The following TBC1D1 variants were observed in gnomAD, a reference collection of about 807,000 sequenced individuals.
TBC1D1 encodes TBC1 (tre-2/USP6, BUB2, cdc16) domain family, member 1.
In TBC1D1, 89 loss-of-function variants were observed where a neutral mutation model predicts 125.6. That is an observed-to-expected ratio of 0.71 (90% confidence interval 0.60 to 0.85). TBC1D1 has a LOEUF of 0.85. Among genes scored for constraint, TBC1D1 ranks in the 40% least tolerant of loss-of-function variants. The probability of loss-of-function intolerance (pLI) is 0.00; values close to 1 mark genes in which losing one functional copy is unlikely to be tolerated. For missense variants in TBC1D1, 1,377 were observed against 1,469.2 expected (o/e 0.94, Z 1.03); for synonymous variants, 565 against 564.1 (o/e 1.00, Z -0.02).
intron 12 of TBC1D1, among the ~76,000 whole-genome samples, chr4:38,076,424 T>C (rs1199333089): frequency 6.6e-6 from 1 of 151,958 alleles, no homozygotes; most frequent in Non-Finnish European, 1.5e-5. Flanking sequence ...CAAGTGCGCA[T>C]GTCTGGCCCT....
intron 2 of TBC1D1, among the ~76,000 whole-genome samples, chr4:37,913,608 AAT>A (rs138412749): frequency 8.0e-5 from 12 of 149,420 alleles, no homozygotes; most frequent in African/African-American, 2.0e-4. Context: ...TCAAAAAATA[AAT>A]ATATATATAT....
chr4:38,051,564 A>G (rs985423694), intron 11 of TBC1D1, among the ~76,000 whole-genome samples: 2 of 152,126 alleles, frequency 1.3e-5, no homozygotes, highest in Admixed American at 6.5e-5. Flanking sequence ...CTTGAGGCCA[A>G]GAGTTCAAGG....
intron 14 of TBC1D1, among the ~76,000 whole-genome samples, chr4:38,096,567 T>C (rs990380573): frequency 2.0e-5 from 3 of 152,144 alleles, no homozygotes; most frequent in African/African-American, 7.2e-5. Context: ...GTGTAAGATG[T>C]GGGTGCTGAC....
At chr4:37,994,438 C>T (rs1737312145) in intron 2 of TBC1D1, among the ~76,000 whole-genome samples, 1 of 152,020 alleles carries the variant, frequency 6.6e-6, no homozygotes, top group Non-Finnish European at 1.5e-5. Context: ...TATAGGTGTG[C>T]ACCACTGTGT....
chr4:38,012,951 G>A lies in TBC1D1; in HGVS notation c.418-1558G>A, dbSNP rs549658945. ...TGGGATTACAGGCACCTGCCACCAC[G>A]CCCAGCTAATTTTTTGTATTTTTAG... On this transcript the variant is annotated intron_variant, in intron 2 of 19. Coordinates refer to ENST00000261439, the MANE Select transcript of TBC1D1 (RefSeq NM_015173.4). 4.7e-4 allele frequency among the ~76,000 whole-genome samples: 71 copies of A among 152,102 alleles called. 1 individual carries two copies. Among genetic ancestry groups the A allele is most frequent in the South Asian group, 1.0e-3 (5 of 4,814 alleles).
intron 1 of TBC1D1, among the ~76,000 whole-genome samples, chr4:37,894,890 G>A (rs1417364895): frequency 1.3e-5 from 2 of 152,190 alleles, no homozygotes; most frequent in Admixed American, 6.6e-5. Context: ...GAAGTTTGTA[G>A]ATAAGACAGA....
intron 1 of TBC1D1, among the ~76,000 whole-genome samples, chr4:37,901,451 C>T (rs542551493): frequency 6.6e-6 from 1 of 152,296 alleles, no homozygotes; most frequent in Non-Finnish European, 1.5e-5. Flanking sequence ...GCCACTGCAC[C>T]TGGCCTAACA....
intron 18 of TBC1D1, among the ~76,000 whole-genome samples, chr4:38,127,663 C>G (rs930353083): frequency 8.5e-5 from 13 of 152,146 alleles, no homozygotes; most frequent in African/African-American, 2.9e-4. Flanking sequence ...GGATTACATG[C>G]ATGAGCCACT....
intron 7 of TBC1D1, among the ~76,000 whole-genome samples, chr4:38,028,239 C>T (rs1357725737): frequency 3.3e-5 from 5 of 152,166 alleles, no homozygotes; most frequent in Admixed American, 3.3e-4. Context: ...GATCTGGGCT[C>T]CCTGCAGTCT....
At chr4:38,026,997 T>TG (rs1333226129) in intron 6 of TBC1D1, among the ~76,000 whole-genome samples, 1 of 152,214 alleles carries the variant, frequency 6.6e-6, no homozygotes, top group Non-Finnish European at 1.5e-5. Flanking sequence ...GAATAGGAGT[T>TG]GTTTTTTCCT....
chr4:38,088,721 C>T (rs1238030791), intron 12 of TBC1D1, among the ~76,000 whole-genome samples: 1 of 152,056 alleles, frequency 6.6e-6, no homozygotes, highest in Non-Finnish European at 1.5e-5. Flanking sequence ...GTCTCTTTAC[C>T]ACCACTCTGA....
chr4:38,118,294 C>T (rs941525797), intron 17 of TBC1D1, 102 bp downstream of exon 19: 29 of 1,356,150 alleles, frequency 2.1e-5, no homozygotes, highest in Non-Finnish European at 2.8e-5. Context: ...ACCTGTAGCT[C>T]TTACCAGAAC....
chr4:37,957,017 C>G (rs978623467), intron 2 of TBC1D1, among the ~76,000 whole-genome samples: 3 of 151,870 alleles, frequency 2.0e-5, no homozygotes, highest in Admixed American at 6.6e-5. Context: ...CACGGTGAAA[C>G]TTAAAGAATT....
chr4:38,011,650 G>A (rs1309450972), intron 2 of TBC1D1, among the ~76,000 whole-genome samples: 2 of 152,022 alleles, frequency 1.3e-5, no homozygotes, highest in Non-Finnish European at 2.9e-5. Flanking sequence ...CTGAATGACG[G>A]GGCACACCTT....
chr4:37,965,962 G>A (rs1730982709), intron 2 of TBC1D1, among the ~76,000 whole-genome samples: 1 of 152,076 alleles, frequency 6.6e-6, no homozygotes, highest in Non-Finnish European at 1.5e-5. Context: ...GGCCAGGCTG[G>A]TCTTGAACTC....
In TBC1D1 at chr4:38,054,252, A is replaced by C. The variant is rs1751262278; in HGVS notation, c.1964A>C (p.Lys655Thr). ...GGTGATTCTGGTGGGACTCCTGTGA[A>C]GACCCGGAGGCATTCCTGGAGGCAG... is the stretch of plus-strand genomic sequence containing the variant. The change falls in exon 12 of 20, where the codon AAG becomes ACG. Residue 655 changes from lysine (K) to threonine (T), a missense_variant. By Grantham distance (78) the Lys-to-Thr change is moderately conservative. Coordinates refer to ENST00000261439, the MANE Select transcript of TBC1D1 (RefSeq NM_015173.4). 6.2e-7 allele frequency: 1 copy of C among 1,614,086 alleles called. No homozygotes were observed.
In TBC1D1 at chr4:38,102,890, A is replaced by G; in HGVS notation, c.2399-109A>G. The G allele has an allele frequency of 8.8e-6, 12 of 1,361,026 alleles. 1 individual carries two copies. Among genetic ancestry groups the G allele is most frequent in the Non-Finnish European group, 1.2e-5 (12 of 1,005,924 alleles). The allele number at this position is 1,361,026 out of a possible 1,614,324, so 84.3% of individuals were successfully genotyped here. A position where few individuals can be genotyped will look rare whatever the true frequency, so the allele number is the denominator to read the frequency against. Reference sequence around the variant, plus strand: ...AGCCAGACTCTGTCTCAAAAAAAAAAAAAAAGGAACAAGAATTTGGATAAA... The same window carrying G: ...AGCCAGACTCTGTCTCAAAAAAAAAGAAAAAGGAACAAGAATTTGGATAAA... On this transcript the variant is annotated intron_variant, in intron 14 of 19. Transcript: ENST00000261439.
intron 2 of TBC1D1, among the ~76,000 whole-genome samples, chr4:37,933,770 C>A (rs1723812731): frequency 6.6e-6 from 1 of 151,846 alleles, no homozygotes. Context: ...ATCGGAATCA[C>A]CATGGGTAGG....
chr4:38,029,762 A>G (rs1368319915), intron 7 of TBC1D1, among the ~76,000 whole-genome samples: 1 of 152,226 alleles, frequency 6.6e-6, no homozygotes, highest in Non-Finnish European at 1.5e-5. Flanking sequence ...AGAGCATAGA[A>G]AGATGTTTTT....
Sources: gnomAD v4.1 joint callset for allele counts (sites outside exome capture counted in the v4.1 genomes callset) on GRCh38, gnomAD v4.1.1 for gene constraint, MANE v1.5 for transcripts, NCBI Gene and HGNC (gene_info 2026-07-23, HGNC 2026-07-21) for gene names.